XKR4: variants seen among roughly 807,000 people sequenced by gnomAD.
The protein encoded by XKR4 is XK related 4, also known as XK-related protein 4.
A neutral mutation model predicts 53.9 loss-of-function variants in XKR4; 12 were observed. The observed-to-expected ratio is 0.22, with a 90% CI of 0.14 to 0.36. XKR4 has a LOEUF of 0.36. XKR4 is among the 10% of genes least tolerant of loss of function. The probability of loss-of-function intolerance (pLI) is 1.00; values close to 1 mark genes in which losing one functional copy is unlikely to be tolerated. For synonymous variants in XKR4, 354 were observed against 362.4 expected (o/e 0.98, Z 0.26); for missense variants, 799 against 859.5 (o/e 0.93, Z 0.88).
chr8:55,366,334 C>T (rs556536463), intron 2 of XKR4, among the ~76,000 whole-genome samples: 3 of 152,300 alleles, frequency 2.0e-5, no homozygotes, highest in East Asian at 1.9e-4. Context: ...AACTTGATAA[C>T]GAAGCTTGTT....
chr8:55,386,213 A>G (rs746733410), intron 2 of XKR4, among the ~76,000 whole-genome samples: 11 of 152,096 alleles, frequency 7.2e-5, no homozygotes, highest in Non-Finnish European at 1.6e-4. Flanking sequence ...CCTTCCTGGG[A>G]TCAGGGGAGA....
At chr8:55,367,751 C>T (rs1242773820) in intron 2 of XKR4, among the ~76,000 whole-genome samples, 2 of 152,098 alleles carry the variant, frequency 1.3e-5, no homozygotes, top group African/African-American at 4.8e-5. Context: ...TTTTTCCTCA[C>T]CCCCGATCCA....
rs72651840 is a variant in XKR4, at chr8:55,120,195, A to G, written c.806+16901A>G. Among the ~76,000 whole-genome samples the G allele has an allele frequency of 3.5e-3, 528 of 152,320 alleles. 1 individual carries two copies. The highest frequency in any genetic ancestry group is 4.0e-3 in the Non-Finnish European group (273 of 68,036). On this transcript the variant is annotated intron_variant, in intron 1 of 2. Transcript: ENST00000327381. ...TTAACCAACCTCCTGTGCCAAAGGTAACTGACTTTGCCATTCATTCATGGG... is the reference window on the plus strand; with the variant it reads ...TTAACCAACCTCCTGTGCCAAAGGTGACTGACTTTGCCATTCATTCATGGG...
chr8:55,397,077 T>C (rs1360274362), intron 2 of XKR4, among the ~76,000 whole-genome samples: 3 of 152,244 alleles, frequency 2.0e-5, no homozygotes, highest in African/African-American at 7.2e-5. Flanking sequence ...TTCTCTACGA[T>C]TGACTGGCCT....
At chr8:55,490,016 A>T (rs1298194256) in intron 2 of XKR4, among the ~76,000 whole-genome samples, 2 of 152,178 alleles carry the variant, frequency 1.3e-5, no homozygotes, top group African/African-American at 4.8e-5. Context: ...CTAAATAGTT[A>T]TGTTTTACAT....
chr8:55,203,411 A>G (rs1817602522), intron 1 of XKR4, among the ~76,000 whole-genome samples: 1 of 152,202 alleles, frequency 6.6e-6, no homozygotes, highest in African/African-American at 2.4e-5. Flanking sequence ...CAGGGGAGCC[A>G]TGAGCTATCC....
At chr8:55,436,886 G>C (rs1203152015) in intron 2 of XKR4, among the ~76,000 whole-genome samples, 1 of 152,128 alleles carries the variant, frequency 6.6e-6, no homozygotes, top group Admixed American at 6.5e-5. Flanking sequence ...TGAGCCCAAA[G>C]TCTCTACATT....
chr8:55,115,319 G>A (rs1816290689), intron 1 of XKR4, among the ~76,000 whole-genome samples: 1 of 151,956 alleles, frequency 6.6e-6, no homozygotes, highest in Admixed American at 6.6e-5. Flanking sequence ...TATGAGCTAG[G>A]TTATATAGCA....
intron 1 of XKR4, among the ~76,000 whole-genome samples, chr8:55,156,654 G>GT (rs1006803645): frequency 3.5e-4 from 53 of 151,982 alleles, no homozygotes; most frequent in African/African-American, 1.3e-3. Context: ...GTGTGGGCTT[G>GT]TTTTTTTTCC....
At chr8:55,328,695 G>A (rs138845788) in intron 1 of XKR4, among the ~76,000 whole-genome samples, 89 of 152,240 alleles carry the variant, frequency 5.8e-4, no homozygotes, top group African/African-American at 1.9e-3. Flanking sequence ...TGATGCCACC[G>A]CATGACCTTT....
At chr8:55,496,122 G>A (rs1259622326) in intron 2 of XKR4, among the ~76,000 whole-genome samples, 2 of 152,214 alleles carry the variant, frequency 1.3e-5, no homozygotes, top group African/African-American at 4.8e-5. Context: ...GACACCGTAG[G>A]CATTTGATAT....
Position 55,535,221 on chromosome 8 carries a change from T to C in XKR4, c.*10994T>C, listed in dbSNP as rs1807014005. 6.6e-6 allele frequency: 1 copy of C among 151,954 alleles called. No homozygotes were observed. Among genetic ancestry groups the C allele is most frequent in the African/African-American group, 2.4e-5 (1 of 41,482 alleles). The allele number at this position is 151,954 out of a possible 1,614,324, so 9.4% of individuals were successfully genotyped here. A position where few individuals can be genotyped will look rare whatever the true frequency, so the allele number is the denominator to read the frequency against. On this transcript the variant is annotated 3_prime_UTR_variant, in exon 3 of 3. Coordinates refer to ENST00000327381, the MANE Select transcript of XKR4 (RefSeq NM_052898.2). ...CCACCATGTGACTTATTTTCTTTTT[T>C]TTTTTAATTTTATTATTATTATACT...
intron 1 of XKR4, among the ~76,000 whole-genome samples, chr8:55,202,376 T>A (rs1353211764): frequency 6.6e-6 from 1 of 152,204 alleles, no homozygotes; most frequent in Non-Finnish European, 1.5e-5. Flanking sequence ...CAACGTAGTT[T>A]CTAGGCTGGA....
At chr8:55,460,632 T>A (rs1209748716) in intron 2 of XKR4, among the ~76,000 whole-genome samples, 1 of 152,022 alleles carries the variant, frequency 6.6e-6, no homozygotes, top group Non-Finnish European at 1.5e-5. Context: ...AGACAGTGGG[T>A]GCAGGACAGT....
At position 55,346,685 on chromosome 8, in the gene XKR4, ATGTG is replaced by A. The variant is rs10685965; in HGVS notation, c.807-10955_807-10952del. Among the ~76,000 whole-genome samples the A allele has an allele frequency of 2.5e-3, 345 of 138,470 alleles. 4 individuals are homozygous for A. The highest frequency in any genetic ancestry group is 3.9e-3 in the East Asian group (18 of 4,634). The allele number at this position is 138,470 out of a possible 152,430, so 90.8% of individuals were successfully genotyped here. A position where few individuals can be genotyped will look rare whatever the true frequency, so the allele number is the denominator to read the frequency against. On this transcript the variant is annotated intron_variant, in intron 1 of 2. Transcript: ENST00000327381. The stretch of plus-strand genomic sequence containing the variant: ...ACAAAAACAGAAACCTGTTGAGGTT[ATGTG>A]TGTGTGTGTGTGTGTGTGTGTGTGT...
At chr8:55,506,528 C>T (rs1806528380) in intron 2 of XKR4, among the ~76,000 whole-genome samples, 1 of 152,174 alleles carries the variant, frequency 6.6e-6, no homozygotes, top group Non-Finnish European at 1.5e-5. Flanking sequence ...AGGTCAACAC[C>T]CCATCTTCCA....
chr8:55,470,362 A>G (rs1242769066), intron 2 of XKR4, among the ~76,000 whole-genome samples: 1 of 152,162 alleles, frequency 6.6e-6, no homozygotes, highest in Non-Finnish European at 1.5e-5. Context: ...AGATAAATGA[A>G]TCATGGGAGC....
intron 1 of XKR4, among the ~76,000 whole-genome samples, chr8:55,228,516 C>T (rs1300250644): frequency 1.3e-5 from 2 of 151,880 alleles, no homozygotes; most frequent in African/African-American, 4.8e-5. Context: ...TTCTCAGAAG[C>T]CTTAGGCACG....
At chr8:55,237,282 T>C (rs1310969063) in intron 1 of XKR4, among the ~76,000 whole-genome samples, 2 of 152,218 alleles carry the variant, frequency 1.3e-5, no homozygotes, top group Non-Finnish European at 2.9e-5. Flanking sequence ...ATGTATCATT[T>C]GCCTCCCCAA....
Sources: allele counts gnomAD v4.1 joint callset (sites outside exome capture counted in the v4.1 genomes callset), GRCh38; gene constraint gnomAD v4.1.1; transcripts MANE v1.5; gene names NCBI Gene and HGNC (gene_info 2026-07-23, HGNC 2026-07-21).